SLC37A1: variants seen among roughly 807,000 people sequenced by gnomAD.
The protein encoded by SLC37A1 is glucose-6-phosphate exchanger SLC37A1.
In SLC37A1, 49 loss-of-function variants were observed where a neutral mutation model predicts 75.3. The observed-to-expected ratio is 0.65, with a 90% confidence interval of 0.52 to 0.83. The LOEUF (loss-of-function observed/expected upper bound fraction) is 0.83, where lower values mean the gene tolerates loss of function less well. Ranked by LOEUF, SLC37A1 falls within the 40% of genes least tolerant of loss-of-function variation. The pLI, the probability that SLC37A1 is intolerant of heterozygous loss-of-function variation, is 0.00. For synonymous variants in SLC37A1, 268 were observed against 292.1 expected (o/e 0.92, Z 0.84); for missense variants, 566 against 695.0 (o/e 0.81, Z 2.09).
chr21:42,506,812 T>G (rs2054387439), intron 2 of SLC37A1, among the ~76,000 whole-genome samples: 1 of 152,162 alleles, frequency 6.6e-6, no homozygotes, highest in East Asian at 1.9e-4. Flanking sequence ...GTATTCACTG[T>G]GGAATCATAA....
intron 11 of SLC37A1, among the ~76,000 whole-genome samples, chr21:42,560,691 A>G (rs1302448827): frequency 6.6e-6 from 1 of 152,202 alleles, no homozygotes; most frequent in Non-Finnish European, 1.5e-5. Flanking sequence ...GCACCAGCTT[A>G]TGGGGAAAGG....
At chr21:42,575,066 C>T in intron 18 of SLC37A1, 151 bp downstream of exon 18, 1 of 1,423,108 alleles carries the variant, frequency 7.0e-7, no homozygotes, top group South Asian at 1.5e-5. Flanking sequence ...GTCTAAAGCT[C>T]CTTCTCTCTC....
chr21:42,574,511 A>G (rs921542494), intron 17 of SLC37A1, among the ~76,000 whole-genome samples: 19 of 152,172 alleles, frequency 1.2e-4, no homozygotes, highest in African/African-American at 4.3e-4. Context: ...GGATATTTGC[A>G]TTACACTGGT....
intron 3 of SLC37A1, among the ~76,000 whole-genome samples, chr21:42,530,419 T>G (rs2054918551): frequency 6.6e-6 from 1 of 152,162 alleles, no homozygotes; most frequent in East Asian, 1.9e-4. Context: ...AGAGCCTGGC[T>G]GGTCGCTCCT....
upstream of SLC37A1, among the ~76,000 whole-genome samples, chr21:42,511,403 A>G (rs899768773): frequency 6.6e-6 from 1 of 152,242 alleles, no homozygotes; most frequent in Non-Finnish European, 1.5e-5. Context: ...AATACTATTT[A>G]GCCTTAAAAA....
In SLC37A1 at chr21:42,543,577, A is replaced by G. The variant is rs750853690; in HGVS notation, c.705A>G (p.Ile235Met). The part of the protein sequence containing the change: ...VPGAIVAAMG[I>M]VCFLFLIEHP... Reference sequence around the variant, plus strand: ...GAGCCATCGTGGCAGCCATGGGGATAGTGTGCTTTCTCTTCCTCATTGAAC... The same window carrying G: ...GAGCCATCGTGGCAGCCATGGGGATGGTGTGCTTTCTCTTCCTCATTGAAC... The change falls in exon 8 of 20, where the codon ATA (isoleucine) becomes ATG (methionine). Residue 235 changes from isoleucine to methionine, a missense_variant. Physicochemically the swap from Ile to Met is conservative, Grantham distance 10 (BLOSUM62 1). Coordinates refer to ENST00000352133, the MANE Select transcript of SLC37A1 (RefSeq NM_001320537.2). 5.6e-6 allele frequency: 9 copies of G among 1,610,024 alleles called. No individual in the cohort carries two copies. The highest frequency in any genetic ancestry group is 1.7e-5 in the Admixed American group (1 of 59,148).
At chr21:42,523,908 T>TA (rs902337500) in intron 2 of SLC37A1, among the ~76,000 whole-genome samples, 4 of 151,552 alleles carry the variant, frequency 2.6e-5, no homozygotes, top group African/African-American at 9.7e-5. Context: ...TTTTTTTTTT[T>TA]AAGAAAAATC....
At chr21:42,570,660 C>T (rs2056136581) in intron 17 of SLC37A1, among the ~76,000 whole-genome samples, 1 of 152,206 alleles carries the variant, frequency 6.6e-6, no homozygotes, top group Admixed American at 6.5e-5. Flanking sequence ...GCTCTACTGG[C>T]AACCCCGATT....
intron 17 of SLC37A1, among the ~76,000 whole-genome samples, chr21:42,573,760 T>C (rs1339670151): frequency 6.6e-6 from 1 of 152,106 alleles, no homozygotes; most frequent in Non-Finnish European, 1.5e-5. Flanking sequence ...GTGGAAATTC[T>C]TCATGCTTTT....
Position 42,537,440 on chromosome 21 carries a change from TG to T in SLC37A1, c.350+1891del, listed in dbSNP as rs561791264. Among the ~76,000 whole-genome samples the T allele has an allele frequency of 1.5e-3, 221 of 152,212 alleles. 1 individual carries two copies. Among genetic ancestry groups the T allele is most frequent in the African/African-American group, 5.3e-3 (219 of 41,522 alleles). ...GGTATAAAAAGACCCAAAGTGGGAA[TG>T]TGTTTTTCTCAGTTACTGGAAAACT... On this transcript the variant is annotated intron_variant, in intron 5 of 19. Coordinates refer to ENST00000352133, the MANE Select transcript of SLC37A1 (RefSeq NM_001320537.2).
chr21:42,563,336 G>A (rs1186771193), intron 12 of SLC37A1, among the ~76,000 whole-genome samples: 1 of 152,216 alleles, frequency 6.6e-6, no homozygotes, highest in Non-Finnish European at 1.5e-5. Context: ...TTGACCCACA[G>A]CCCCAGATGC....
chr21:42,554,950 G>A (rs1185016604), intron 10 of SLC37A1, among the ~76,000 whole-genome samples: 1 of 149,372 alleles, frequency 6.7e-6, no homozygotes, highest in Non-Finnish European at 1.5e-5. Context: ...TCTCTTTCTA[G>A]ATCAGGTTTT....
At chr21:42,572,711 G>A (rs112259307) in intron 17 of SLC37A1, among the ~76,000 whole-genome samples, 11,606 of 126,826 alleles carry the variant, frequency 0.092, 731 homozygotes, top group Non-Finnish European at 0.14. Context: ...CTGAGGTTCA[G>A]CTTAGTCTTC....
rs375260774 is a variant in SLC37A1, at chr21:42,535,468, A to G, written c.272-4A>G. 16 of 1,613,318 alleles carry G rather than the reference A, an allele frequency of 9.9e-6. No individual in the cohort carries two copies. Among genetic ancestry groups the G allele is most frequent in the South Asian group, 6.6e-5 (6 of 91,074 alleles). On this transcript the variant is annotated splice_polypyrimidine_tract_variant and splice_region_variant and intron_variant, in intron 4 of 19. Transcript: ENST00000352133. ...TTGTCCTGCTGGTTTTCAAATTCAT[A>G]TAGATAAGAACAACTATCAGCAGCT... is the stretch of plus-strand genomic sequence containing the variant.
intron 10 of SLC37A1, among the ~76,000 whole-genome samples, chr21:42,557,369 A>T (rs2055719358): frequency 6.6e-6 from 1 of 152,274 alleles, no homozygotes; most frequent in South Asian, 2.1e-4. Context: ...GTAGAGCATT[A>T]CTGATGTAGT....
intron 15 of SLC37A1, among the ~76,000 whole-genome samples, chr21:42,566,617 A>G (rs2147006431): frequency 6.6e-6 from 1 of 152,204 alleles, no homozygotes; most frequent in African/African-American, 2.4e-5. Flanking sequence ...GTGTGAGCCT[A>G]GAGGAGAGTT....
intron 1 of SLC37A1, among the ~76,000 whole-genome samples, chr21:42,515,401 A>G (rs528911000): frequency 6.6e-6 from 1 of 152,314 alleles, no homozygotes; most frequent in East Asian, 1.9e-4. Flanking sequence ...TATTTAAAAT[A>G]TCTGTGGGGC....
rs775395462 is a variant in SLC37A1 at position 42,534,841 on chromosome 21, T to C, written c.271+11T>C. 6 of 1,613,012 alleles carry C rather than the reference T, an allele frequency of 3.7e-6. No individual in the cohort carries two copies. The Admixed American group carries it at 6.7e-5, about 18-fold the overall frequency. On this transcript the variant is annotated intron_variant, in intron 4 of 19. Transcript: ENST00000352133. ...GCTGGGCACCGTTTGGTAAGTCGAT[T>C]ATCGGTCCGTCCAGGAGCCGAAGCG...
At chr21:42,540,891 TTTCC>T (rs1174923498) in intron 6 of SLC37A1, among the ~76,000 whole-genome samples, 1 of 152,160 alleles carries the variant, frequency 6.6e-6, no homozygotes, top group African/African-American at 2.4e-5. Flanking sequence ...AGAAAACAAT[TTTCC>T]AGAGTCCCAG....
Sources: allele counts gnomAD v4.1 joint callset (sites outside exome capture counted in the v4.1 genomes callset), GRCh38; gene constraint gnomAD v4.1.1; transcripts MANE v1.5; gene names NCBI Gene and HGNC (gene_info 2026-07-23, HGNC 2026-07-21).